Variants in OTUD7A observed in about 807,000 individuals in gnomAD.
The protein encoded by OTUD7A is OTU domain-containing protein 7A.
Under a neutral mutation model 65.7 loss-of-function variants are expected in OTUD7A, and 12 were observed. That is an observed-to-expected ratio of 0.18 (90% CI 0.12 to 0.30). The LOEUF is 0.30. OTUD7A is among the 10% of genes least tolerant of loss of function. OTUD7A has a pLI of 1.00. For synonymous variants in OTUD7A, 641 were observed against 586.3 expected (o/e 1.09, Z -1.35); for missense variants, 1,148 against 1,304.8 (o/e 0.88, Z 1.85).
intron 3 of OTUD7A, among the ~76,000 whole-genome samples, chr15:31,626,499 T>C (rs1177948718): frequency 6.6e-6 from 1 of 152,206 alleles, no homozygotes; most frequent in African/African-American, 2.4e-5. Context: ...GTGGGTTCTG[T>C]GTGTGCATGG....
chr15:31,740,470 G>A (rs746952996), intron 1 of OTUD7A, among the ~76,000 whole-genome samples: 8 of 152,142 alleles, frequency 5.3e-5, no homozygotes, highest in Non-Finnish European at 8.8e-5. Context: ...AGAGAAGCAA[G>A]GAGGAGATGA....
intron 1 of OTUD7A, among the ~76,000 whole-genome samples, chr15:31,855,538 A>T (rs192935899): frequency 1.3e-4 from 20 of 152,314 alleles, no homozygotes; most frequent in Non-Finnish European, 2.2e-4. Context: ...GAATGTATCC[A>T]CTGGAACTAC....
rs981356507 is a variant in OTUD7A at position 31,484,158 on chromosome 15, G to A, written c.1938C>T (p.Gly646=). 12 of 1,610,256 alleles carry A rather than the reference G, an allele frequency of 7.5e-6. No individual in the cohort carries two copies. The South Asian group carries it at 1.3e-4, about 18-fold the overall frequency. The part of the protein sequence containing the change: ...MQGERKFIFA[G]LLLTSHRHQF... Reference sequence around the variant, plus strand: ...GGTGCCGGTGGCTGGTGAGCAGCAGGCCGGCGAAGATGAACTTGCGCTCCC... The same window carrying A: ...GGTGCCGGTGGCTGGTGAGCAGCAGACCGGCGAAGATGAACTTGCGCTCCC... Residue 646 remains glycine, a synonymous_variant, in exon 13 of 13, where the codon GGC becomes GGT. Coordinates refer to ENST00000307050, the MANE Select transcript of OTUD7A (RefSeq NM_001382637.1). The surrounding 1 kb of genome is among the most constrained non-coding windows in gnomAD (Gnocchi z 4.5).
intron 1 of OTUD7A, chr15:31,787,658 G>A (rs1173327226): frequency 6.6e-6 from 1 of 152,178 alleles, no homozygotes. Context: ...TTTGACTTAA[G>A]CCTCAAAGTA....
chr15:31,483,413 G>A lies in OTUD7A; in HGVS notation c.2683C>T (p.Arg895Trp). Reference sequence around the variant, plus strand: ...GCACAGTTCTCGCGCTGGCAGCGCCGCTGCACCGGCCCCGGGCCGCCACGG... The same window carrying A: ...GCACAGTTCTCGCGCTGGCAGCGCCACTGCACCGGCCCCGGGCCGCCACGG... ...CGRGGPGPVQ[R>W]RCQRENCAFY... Residue 895 changes from arginine to tryptophan, a missense_variant, in exon 13 of 13, where the codon CGG (arginine) becomes TGG (tryptophan). Transcript: ENST00000307050. 1.5e-6 allele frequency: 2 copies of A among 1,364,520 alleles called. No homozygotes were observed. Among genetic ancestry groups the A allele is most frequent in the Non-Finnish European group, 1.9e-6 (2 of 1,058,200 alleles). 84.5% of individuals were successfully genotyped at this position (1,364,520 alleles called of 1,614,324 possible).
At chr15:31,543,506 C>T (rs988900622) in intron 5 of OTUD7A, among the ~76,000 whole-genome samples, 1 of 151,818 alleles carries the variant, frequency 6.6e-6, no homozygotes, top group South Asian at 2.1e-4. Flanking sequence ...AGAGATAAAT[C>T]TAAAACAGAG....
intron 1 of OTUD7A, among the ~76,000 whole-genome samples, chr15:31,784,551 T>C (rs914333825): frequency 6.6e-6 from 1 of 152,204 alleles, no homozygotes; most frequent in African/African-American, 2.4e-5. Flanking sequence ...AATTGATAGG[T>C]ATTTTATAAA....
intron 4 of OTUD7A, among the ~76,000 whole-genome samples, chr15:31,560,261 A>C (rs542803254): frequency 6.6e-6 from 1 of 152,396 alleles, no homozygotes; most frequent in South Asian, 2.1e-4. Flanking sequence ...TGGCCCTCCC[A>C]GGACACACAA....
intron 3 of OTUD7A, among the ~76,000 whole-genome samples, chr15:31,638,718 A>T (rs1488457934): frequency 4.6e-5 from 7 of 152,220 alleles, no homozygotes; most frequent in African/African-American, 1.7e-4. Flanking sequence ...TATGCACTAG[A>T]AAACCAAAAA....
chr15:31,531,520 C>CAAAAAAAAAAAAAAAAAAAAAAAAAA (rs60332452), intron 5 of OTUD7A, among the ~76,000 whole-genome samples: 1 of 80,164 alleles, frequency 1.2e-5, no homozygotes, highest in African/African-American at 4.2e-5. Flanking sequence ...GAGTAGGCCA[C>CAAAAAAAAAAAAAAAAAAAAAAAAAA]AAAAAAAAAA....
At chr15:31,701,795 T>C (rs1472302785) in intron 1 of OTUD7A, among the ~76,000 whole-genome samples, 2 of 152,188 alleles carry the variant, frequency 1.3e-5, no homozygotes, top group Non-Finnish European at 2.9e-5. Flanking sequence ...TTTCCGACAC[T>C]TCTACGAAGC....
intron 1 of OTUD7A, among the ~76,000 whole-genome samples, chr15:31,841,489 T>C (rs1307055670): frequency 1.3e-5 from 2 of 152,104 alleles, no homozygotes; most frequent in Non-Finnish European, 2.9e-5. Context: ...CCCCTCTACA[T>C]AGTCACTTCC....
At chr15:31,496,375 C>G (rs1416025846) in intron 10 of OTUD7A, among the ~76,000 whole-genome samples, 2 of 152,078 alleles carry the variant, frequency 1.3e-5, no homozygotes, top group African/African-American at 4.8e-5. Flanking sequence ...GCACCTGCCA[C>G]CATGCCCAGT....
intron 1 of OTUD7A, among the ~76,000 whole-genome samples, chr15:31,809,838 T>G (rs1896374623): frequency 6.6e-6 from 1 of 152,254 alleles, no homozygotes. Flanking sequence ...GCACTTTATT[T>G]ATGCACATCA....
chr15:31,559,578 G>A (rs573904955), intron 4 of OTUD7A, among the ~76,000 whole-genome samples: 1 of 151,968 alleles, frequency 6.6e-6, no homozygotes, highest in African/African-American at 2.4e-5. Context: ...CATATACACT[G>A]CACATCCACT....
At chr15:31,564,067 A>T (rs973194001) in intron 4 of OTUD7A, among the ~76,000 whole-genome samples, 1 of 151,000 alleles carries the variant, frequency 6.6e-6, no homozygotes, top group African/African-American at 2.4e-5. Flanking sequence ...TCAGAATGCA[A>T]AATAATAATA....
intron 1 of OTUD7A, among the ~76,000 whole-genome samples, chr15:31,688,690 TG>T (rs1892897792): frequency 6.6e-6 from 1 of 152,182 alleles, no homozygotes; most frequent in South Asian, 2.1e-4. Flanking sequence ...GATGCCAGAG[TG>T]TCTCATGATG....
chr15:31,536,346 G>A (rs1451761605), intron 5 of OTUD7A, among the ~76,000 whole-genome samples: 2 of 152,198 alleles, frequency 1.3e-5, no homozygotes, highest in Non-Finnish European at 2.9e-5. Flanking sequence ...TCAAGCTTAT[G>A]AGTGGTTGTA....
intron 3 of OTUD7A, among the ~76,000 whole-genome samples, chr15:31,644,853 G>A (rs1389816628): frequency 6.6e-6 from 1 of 152,170 alleles, no homozygotes; most frequent in African/African-American, 2.4e-5. Flanking sequence ...TATATTCAGT[G>A]CTTGTCCAGC....
Sources: gnomAD v4.1 joint callset for allele counts (sites outside exome capture counted in the v4.1 genomes callset) on GRCh38, gnomAD v4.1.1 for gene constraint, Gnocchi (gnomAD v3.1) non-coding constraint, MANE v1.5 for transcripts, NCBI Gene and HGNC (gene_info 2026-07-23, HGNC 2026-07-21) for gene names.